The following MCC variants were observed in gnomAD, a reference collection of about 807,000 sequenced individuals.
MCC encodes the protein colorectal mutant cancer protein.
MCC carries 90 observed loss-of-function variants against 116.2 expected under a neutral mutation model. That is an observed-to-expected ratio of 0.77 (90% CI 0.65 to 0.92). MCC has a LOEUF of 0.92. MCC is among the 40% of genes least tolerant of loss of function. The probability of loss-of-function intolerance (pLI) is 0.00; values close to 1 mark genes in which losing one functional copy is unlikely to be tolerated. For missense variants in MCC, 1,516 were observed against 1,312.2 expected, an observed-to-expected ratio of 1.16 and a Z score of -2.40; for synonymous variants, 578 against 510.5, an observed-to-expected ratio of 1.13 and a Z score of -1.78.
At chr5:113,028,570 G>T (rs944183687) in intron 18 of MCC, among the ~76,000 whole-genome samples, 4 of 152,136 alleles carry the variant, frequency 2.6e-5, no homozygotes, top group African/African-American at 9.7e-5. Context: ...TGGATATTGT[G>T]TTGCTCAAAT....
chr5:113,294,583 G>C (rs973133598), intron 3 of MCC: 12 of 1,255,188 alleles, frequency 9.6e-6, no homozygotes, highest in South Asian at 5.8e-5. Context: ...CGCGTTTCAC[G>C]GACGAGCCAT....
chr5:113,172,742 C>G (rs944115582), intron 3 of MCC, among the ~76,000 whole-genome samples: 1 of 152,196 alleles, frequency 6.6e-6, no homozygotes, highest in Non-Finnish European at 1.5e-5. Flanking sequence ...AGAACAAATT[C>G]GTGGAAATAG....
chr5:113,438,642 C>G (rs1389994807), intron 1 of MCC, among the ~76,000 whole-genome samples: 2 of 152,068 alleles, frequency 1.3e-5, no homozygotes, highest in African/African-American at 4.8e-5. Flanking sequence ...AAATAATATT[C>G]AGTATAATAT....
chr5:113,117,920 C>T (rs1375037874), intron 6 of MCC, among the ~76,000 whole-genome samples: 1 of 152,252 alleles, frequency 6.6e-6, no homozygotes, highest in African/African-American at 2.4e-5. Flanking sequence ...ATTCCCCCAT[C>T]AGCCCTAGAG....
intron 3 of MCC, among the ~76,000 whole-genome samples, chr5:113,206,194 A>G (rs1270599058): frequency 1.3e-5 from 2 of 152,318 alleles, no homozygotes; most frequent in Non-Finnish European, 2.9e-5. Flanking sequence ...GCACTTTCCC[A>G]AGAAAGGCAG....
At chr5:113,138,602 A>G (rs1758989993) in intron 5 of MCC, among the ~76,000 whole-genome samples, 1 of 152,182 alleles carries the variant, frequency 6.6e-6, no homozygotes, top group Non-Finnish European at 1.5e-5. Flanking sequence ...ACTGTGAGAA[A>G]TACATTTCTG....
chr5:113,308,903 G>T (rs1767066680), intron 3 of MCC, among the ~76,000 whole-genome samples: 1 of 151,992 alleles, frequency 6.6e-6, no homozygotes, highest in Non-Finnish European at 1.5e-5. Context: ...AAAAGAAAGA[G>T]AGGGACTAAC....
intron 3 of MCC, among the ~76,000 whole-genome samples, chr5:113,262,724 A>G (rs1188157004): frequency 6.6e-6 from 1 of 152,178 alleles, no homozygotes; most frequent in African/African-American, 2.4e-5. Flanking sequence ...AACTTTGTTG[A>G]GCATCAGAGT....
chr5:113,210,828 C>G (rs1763108338), intron 3 of MCC, among the ~76,000 whole-genome samples: 1 of 152,178 alleles, frequency 6.6e-6, no homozygotes, highest in African/African-American at 2.4e-5. Context: ...AAGATCGACC[C>G]TAACCCTACC....
At chr5:113,104,538 T>C in intron 6 of MCC, 183 bp from the exon 7 acceptor site, 1 of 458,166 alleles carries the variant, frequency 2.2e-6, no homozygotes, top group Non-Finnish European at 3.8e-6. Context: ...AAAGCTCTTT[T>C]TATTAAAGAG....
intron 5 of MCC, among the ~76,000 whole-genome samples, chr5:113,132,806 G>A (rs1339556850): frequency 6.6e-6 from 1 of 152,122 alleles, no homozygotes. Context: ...AGTACTCAGT[G>A]TCCCAATTTC....
intron 14 of MCC, among the ~76,000 whole-genome samples, chr5:113,057,194 G>C (rs1034341792): frequency 6.6e-6 from 1 of 152,194 alleles, no homozygotes; most frequent in African/African-American, 2.4e-5. Flanking sequence ...GGGAGGGGCT[G>C]GGTGCCAGGT....
At chr5:113,321,128 A>G (rs1465371708) in intron 3 of MCC, among the ~76,000 whole-genome samples, 2 of 152,240 alleles carry the variant, frequency 1.3e-5, no homozygotes, top group Non-Finnish European at 2.9e-5. Flanking sequence ...TAAAGGAATG[A>G]AAACAGAAAC....
chr5:113,076,390 A>G (rs1581000652), intron 11 of MCC, among the ~76,000 whole-genome samples: 1 of 152,228 alleles, frequency 6.6e-6, no homozygotes, highest in African/African-American at 2.4e-5. Context: ...AAGGAAAAAA[A>G]TGTTAAGGGC....
At chr5:113,399,259 G>C (rs191375586) in intron 1 of MCC, among the ~76,000 whole-genome samples, 1 of 152,316 alleles carries the variant, frequency 6.6e-6, no homozygotes, top group African/African-American at 2.4e-5. Context: ...GCCGAGGCAG[G>C]CGGATCACGA....
chr5:113,031,353 A>C (rs1443411775), intron 17 of MCC, among the ~76,000 whole-genome samples: 1 of 152,114 alleles, frequency 6.6e-6, no homozygotes, highest in Non-Finnish European at 1.5e-5. Context: ...GGAGAGTGGC[A>C]GCATTTCCTA....
chr5:113,055,336 A>C (rs4705758), intron 14 of MCC, among the ~76,000 whole-genome samples: 72,681 of 151,996 alleles, frequency 0.48, 18,510 homozygotes, highest in East Asian at 0.63. Flanking sequence ...CTCACACTGC[A>C]AAAGGGTAAG....
At chr5:113,302,272 A>C (rs1326768432) in intron 3 of MCC, among the ~76,000 whole-genome samples, 3 of 152,184 alleles carry the variant, frequency 2.0e-5, no homozygotes, top group African/African-American at 7.2e-5. Flanking sequence ...AACCCTATAT[A>C]ACTCTACTAG....
At chr5:113,090,649 C>G (rs968287348) in intron 8 of MCC, among the ~76,000 whole-genome samples, 2 of 152,130 alleles carry the variant, frequency 1.3e-5, no homozygotes, top group Non-Finnish European at 2.9e-5. Context: ...CCAGTCTACC[C>G]AGAAGGACGA....
Sources: gnomAD v4.1 joint callset for allele counts (sites outside exome capture counted in the v4.1 genomes callset) on GRCh38, gnomAD v4.1.1 for gene constraint, MANE v1.5 for transcripts, NCBI Gene and HGNC (gene_info 2026-07-23, HGNC 2026-07-21) for gene names.